The following MGAT4C variants were observed in gnomAD, a reference collection of about 807,000 sequenced individuals.
MGAT4C encodes the protein MGAT4 family member C, also known as alpha-1,3-mannosyl-glycoprotein 4-beta-N-acetylglucosaminyltransferase C.
Under a neutral mutation model 40.1 loss-of-function variants are expected in MGAT4C, and 19 were observed. The observed-to-expected ratio is 0.47, with a 90% CI of 0.33 to 0.70. The LOEUF is 0.70. Ranked by LOEUF, MGAT4C falls within the 30% of genes least tolerant of loss-of-function variation. The probability of loss-of-function intolerance (pLI) is 0.02; values close to 1 mark genes in which losing one functional copy is unlikely to be tolerated. For missense variants in MGAT4C, 491 were observed against 563.2 expected (o/e 0.87, Z 1.30); for synonymous variants, 181 against 187.1 (o/e 0.97, Z 0.27).
chr12:85,999,756 G>T, intron 2 of MGAT4C, among the ~76,000 whole-genome samples: 1 of 152,126 alleles, frequency 6.6e-6, no homozygotes, highest in East Asian at 1.9e-4. Context: ...CATGTTAAGT[G>T]AAGTAAGCCA....
intron 2 of MGAT4C, among the ~76,000 whole-genome samples, chr12:86,672,966 G>A (rs149202352): frequency 6.2e-4 from 94 of 151,530 alleles, no homozygotes; most frequent in African/African-American, 2.2e-3. Flanking sequence ...AGGTTCTTGG[G>A]GGATATATTA....
chr12:86,119,822 C>T (rs1322926259), intron 1 of MGAT4C, among the ~76,000 whole-genome samples: 1 of 151,406 alleles, frequency 6.6e-6, no homozygotes, highest in Non-Finnish European at 1.5e-5. Context: ...CCTCAGCCTT[C>T]CATGTAGCTA....
At chr12:86,525,661 A>G (rs1159124527) in intron 2 of MGAT4C, among the ~76,000 whole-genome samples, 2 of 152,224 alleles carry the variant, frequency 1.3e-5, no homozygotes, top group African/African-American at 4.8e-5. Flanking sequence ...ATTGTGGTAT[A>G]AGGTGGATTC....
intron 1 of MGAT4C, among the ~76,000 whole-genome samples, chr12:86,735,670 T>C (rs1424253985): frequency 6.6e-6 from 1 of 151,912 alleles, no homozygotes; most frequent in Non-Finnish European, 1.5e-5. Flanking sequence ...ATATTAGTTA[T>C]ACTGTGAAGA....
intron 3 of MGAT4C, among the ~76,000 whole-genome samples, chr12:86,412,597 A>G (rs61949518): frequency 0.099 from 15,020 of 152,170 alleles, 1,002 homozygotes; most frequent in Middle Eastern, 0.25. Context: ...GGAAGTAACT[A>G]AATTATTTTG....
chr12:86,835,953 A>G (rs922093503), intron 1 of MGAT4C, among the ~76,000 whole-genome samples: 7 of 151,998 alleles, frequency 4.6e-5, no homozygotes, highest in Non-Finnish European at 1.0e-4. Context: ...AAATATATGC[A>G]AAAATATGTA....
In MGAT4C at chr12:85,965,850, G is replaced by A. The variant is rs924155721; in HGVS notation, c.*13439C>T. 3.3e-5 allele frequency: 5 copies of A among 151,904 alleles called. No homozygotes were observed. The highest frequency in any genetic ancestry group is 5.9e-5 in the Non-Finnish European group (4 of 67,992). The allele number at this position is 151,904 out of a possible 1,614,324, so 9.4% of individuals were successfully genotyped here. On this transcript the variant is annotated 3_prime_UTR_variant, in exon 5 of 5. Transcript: ENST00000611864. ...TATTACATCATTTTTTTACTTATCT[G>A]TATTATTTCTCCATTTAAAAGTGGA... is the stretch of plus-strand genomic sequence containing the variant.
intron 1 of MGAT4C, among the ~76,000 whole-genome samples, chr12:86,193,610 TGGA>T (rs1015604568): frequency 6.6e-6 from 1 of 152,076 alleles, no homozygotes; most frequent in African/African-American, 2.4e-5. Flanking sequence ...TCTTTTTATT[TGGA>T]GGATGTTTTC....
intron 1 of MGAT4C, among the ~76,000 whole-genome samples, chr12:86,095,617 G>T (rs1199958767): frequency 6.6e-6 from 1 of 150,414 alleles, no homozygotes; most frequent in Non-Finnish European, 1.5e-5. Context: ...TTTTCTTTTT[G>T]AGTAGAGAGG....
chr12:86,050,970 A>C (rs1180389536), intron 1 of MGAT4C, among the ~76,000 whole-genome samples: 2 of 152,038 alleles, frequency 1.3e-5, no homozygotes, highest in Non-Finnish European at 2.9e-5. Flanking sequence ...ACTTAAAGAG[A>C]CCCAACTATA....
chr12:86,800,636 T>A lies in MGAT4C; in HGVS notation c.-262+38030A>T, dbSNP rs1032364908. ...CAGACAATAGGATATTTGAAATGGA[T>A]ATTGCATTTACAATTATTAATAATA... is the stretch of plus-strand genomic sequence containing the variant. On this transcript the variant is annotated intron_variant, in intron 1 of 7. Coordinates refer to the MGAT4C transcript ENST00000548651. Among the ~76,000 whole-genome samples the A allele has an allele frequency of 1.3e-4, 19 of 151,894 alleles. No homozygotes were observed. The Admixed American group carries it at 1.3e-3, about 10-fold the overall frequency.
At chr12:86,251,688 A>G (rs1344711567) in intron 1 of MGAT4C, among the ~76,000 whole-genome samples, 1 of 152,000 alleles carries the variant, frequency 6.6e-6, no homozygotes, top group Non-Finnish European at 1.5e-5. Context: ...CAGCACAAAT[A>G]TGTATACTCA....
chr12:86,025,040 A>C (rs1301210985), intron 2 of MGAT4C, among the ~76,000 whole-genome samples: 1 of 151,686 alleles, frequency 6.6e-6, no homozygotes, highest in Non-Finnish European at 1.5e-5. Context: ...CCTCTTGGTC[A>C]CAGATTCCTT....
At chr12:86,139,569 C>T (rs1453310026) in intron 1 of MGAT4C, among the ~76,000 whole-genome samples, 3 of 151,582 alleles carry the variant, frequency 2.0e-5, no homozygotes, top group African/African-American at 4.8e-5. Flanking sequence ...TTACCCATTC[C>T]AATGTTGATG....
rs541568085 is a variant in MGAT4C at position 86,747,771 on chromosome 12, AT to A, written c.-261-20531del. 1.2e-3 allele frequency among the ~76,000 whole-genome samples: 184 copies of A among 149,066 alleles called. 1 individual carries two copies. The highest frequency in any genetic ancestry group is 4.8e-3 in the South Asian group (23 of 4,746). ...TATGTTCAGTGGTAGCTGGAAGGAA[AT>A]TTTTTTTTTTAAAAAAAAGCTGGTA... is the stretch of plus-strand genomic sequence containing the variant. On this transcript the variant is annotated intron_variant, in intron 1 of 7. Coordinates refer to the MGAT4C transcript ENST00000548651.
At chr12:86,619,367 T>A (rs1395030899) in intron 2 of MGAT4C, among the ~76,000 whole-genome samples, 2 of 152,130 alleles carry the variant, frequency 1.3e-5, no homozygotes, top group Admixed American at 1.3e-4. Flanking sequence ...AAATCTTAGT[T>A]ACATTACATG....
At position 85,995,427 on chromosome 12, in the gene MGAT4C, C is replaced by A. The variant is rs143716993; in HGVS notation, c.-6-5875G>T. Among the ~76,000 whole-genome samples, 1,116 of 152,140 alleles carry A rather than the reference C, an allele frequency of 7.3e-3. 9 individuals are homozygous for A. The highest frequency in any genetic ancestry group is 0.011 in the Non-Finnish European group (756 of 68,020). On this transcript the variant is annotated intron_variant, in intron 2 of 4. Transcript: ENST00000611864. Reference sequence around the variant, plus strand: ...ATGTGTGTCATGAAACTTCATAAGACTAGAGAAAGAACCATAAAAAAGTAG... The same window carrying A: ...ATGTGTGTCATGAAACTTCATAAGAATAGAGAAAGAACCATAAAAAAGTAG...
intron 1 of MGAT4C, among the ~76,000 whole-genome samples, chr12:86,205,425 G>A (rs947419873): frequency 2.0e-5 from 3 of 151,470 alleles, no homozygotes; most frequent in African/African-American, 7.2e-5. Context: ...TGAATATGGA[G>A]TTTGAAGAGT....
intron 2 of MGAT4C, among the ~76,000 whole-genome samples, chr12:86,596,418 C>T (rs1328389200): frequency 1.3e-5 from 2 of 152,070 alleles, no homozygotes; most frequent in African/African-American, 4.8e-5. Flanking sequence ...AAAGAGATGG[C>T]CACGTGAAAT....
Sources: gnomAD v4.1 joint callset for allele counts (sites outside exome capture counted in the v4.1 genomes callset) on GRCh38, gnomAD v4.1.1 for gene constraint, MANE v1.5 for transcripts, NCBI Gene and HGNC (gene_info 2026-07-23, HGNC 2026-07-21) for gene names.